The following PTTG1IP2 variants were observed in gnomAD, a reference collection of about 807,000 sequenced individuals.
The protein encoded by PTTG1IP2 is PTTG1IP family member 2.
At chr7:90,470,604 A>G (rs926527028) in intron 1 of PTTG1IP2, among the ~76,000 whole-genome samples, 3 of 152,218 alleles carry the variant, frequency 2.0e-5, no homozygotes, top group African/African-American at 7.2e-5. Context: ...GAATGTTAGT[A>G]TCTGTAAGCA....
At chr7:90,511,076 ATT>A (rs58855206) in intron 6 of PTTG1IP2, among the ~76,000 whole-genome samples, 1 of 147,476 alleles carries the variant, frequency 6.8e-6, no homozygotes. Context: ...CAAGGACAGT[ATT>A]TTTTTTTTTT....
chr7:90,510,940 A>G (rs1584703451), intron 6 of PTTG1IP2, among the ~76,000 whole-genome samples: 2 of 152,146 alleles, frequency 1.3e-5, no homozygotes, highest in African/African-American at 4.8e-5. Context: ...ATTGGAGTTA[A>G]CTCTGGAATA....
intron 4 of PTTG1IP2, among the ~76,000 whole-genome samples, chr7:90,490,818 T>C (rs773668333): frequency 3.3e-5 from 5 of 152,192 alleles, no homozygotes; most frequent in African/African-American, 4.8e-5. Flanking sequence ...ATATCCATCA[T>C]TGAAGCTTCT....
intron 4 of PTTG1IP2, among the ~76,000 whole-genome samples, chr7:90,491,419 T>G (rs920568942): frequency 6.6e-6 from 1 of 152,086 alleles, no homozygotes; most frequent in Non-Finnish European, 1.5e-5. Context: ...GGTCAGGAGT[T>G]CGAGACCAGC....
chr7:90,501,474 C>T (rs1798060729), intron 6 of PTTG1IP2, among the ~76,000 whole-genome samples: 1 of 152,066 alleles, frequency 6.6e-6, no homozygotes, highest in Non-Finnish European at 1.5e-5. Flanking sequence ...TTGAGACCAG[C>T]CTGTGCAACA....
At chr7:90,481,913 T>A (rs1221093945) in intron 2 of PTTG1IP2, among the ~76,000 whole-genome samples, 1 of 152,172 alleles carries the variant, frequency 6.6e-6, no homozygotes, top group Non-Finnish European at 1.5e-5. Flanking sequence ...TAATTCAGTA[T>A]ACTCTATAAT....
chr7:90,490,729 TGTAA>T (rs1285806945), intron 4 of PTTG1IP2, among the ~76,000 whole-genome samples: 1 of 152,202 alleles, frequency 6.6e-6, no homozygotes, highest in Non-Finnish European at 1.5e-5. Flanking sequence ...CCTAGCTCCT[TGTAA>T]GTGTCATCAC....
chr7:90,477,457 A>G (rs1797760957), intron 1 of PTTG1IP2, among the ~76,000 whole-genome samples: 1 of 152,242 alleles, frequency 6.6e-6, no homozygotes, highest in Admixed American at 6.5e-5. Flanking sequence ...GTGTTGAGGA[A>G]GGAACTTCCT....
At chr7:90,471,571 C>A (rs570996077) in intron 1 of PTTG1IP2, among the ~76,000 whole-genome samples, 1 of 152,094 alleles carries the variant, frequency 6.6e-6, no homozygotes, top group South Asian at 2.1e-4. Flanking sequence ...GGGCATAGTG[C>A]AAAAAATAAG....
At chr7:90,493,897 CAT>C (rs1797965645) in intron 5 of PTTG1IP2, among the ~76,000 whole-genome samples, 1 of 152,130 alleles carries the variant, frequency 6.6e-6, no homozygotes, top group Non-Finnish European at 1.5e-5. Flanking sequence ...TTATGCAAGA[CAT>C]AGAATAAACA....
intron 6 of PTTG1IP2, among the ~76,000 whole-genome samples, chr7:90,494,971 C>T (rs903761448): frequency 6.6e-6 from 1 of 152,110 alleles, no homozygotes. Context: ...GATTGCGCTA[C>T]TGCATTTCAG....
intron 3 of PTTG1IP2, among the ~76,000 whole-genome samples, chr7:90,488,080 C>T (rs1037116528): frequency 5.9e-5 from 9 of 151,992 alleles, no homozygotes; most frequent in Non-Finnish European, 8.8e-5. Flanking sequence ...GGCAGGAAAA[C>T]GTACCAGTAC....
At chr7:90,497,821 T>C (rs1798014119) in intron 6 of PTTG1IP2, among the ~76,000 whole-genome samples, 1 of 151,070 alleles carries the variant, frequency 6.6e-6, no homozygotes, top group Non-Finnish European at 1.5e-5. Context: ...GTCTGTTATG[T>C]CCATTTGTCC....
intron 5 of PTTG1IP2, among the ~76,000 whole-genome samples, chr7:90,493,683 T>C (rs1324543651): frequency 6.6e-6 from 1 of 152,176 alleles, no homozygotes; most frequent in Non-Finnish European, 1.5e-5. Context: ...CCAATGGGAA[T>C]GCCTACATTA....
At chr7:90,505,247 T>G (rs1798110391) in intron 6 of PTTG1IP2, among the ~76,000 whole-genome samples, 1 of 152,204 alleles carries the variant, frequency 6.6e-6, no homozygotes, top group South Asian at 2.1e-4. Context: ...GGCAATAATA[T>G]TTTCTACATC....
At chr7:90,504,267 G>T (rs1182683109) in intron 6 of PTTG1IP2, among the ~76,000 whole-genome samples, 1 of 151,662 alleles carries the variant, frequency 6.6e-6, no homozygotes, top group Non-Finnish European at 1.5e-5. Flanking sequence ...AGTGAGCCAA[G>T]ATCACGCCAC....
chr7:90,495,356 C>T (rs556162874), intron 6 of PTTG1IP2, among the ~76,000 whole-genome samples: 13 of 152,320 alleles, frequency 8.5e-5, no homozygotes, highest in Non-Finnish European at 1.6e-4. Context: ...CTACCCAACA[C>T]CTCTTCCAGT....
At chr7:90,491,956 C>T (rs1797943444) in intron 4 of PTTG1IP2, among the ~76,000 whole-genome samples, 1 of 151,878 alleles carries the variant, frequency 6.6e-6, no homozygotes, top group Non-Finnish European at 1.5e-5. Context: ...CATGGTGAAA[C>T]CCTGTCTCTA....
At chr7:90,493,797 A>T (rs888712316) in intron 5 of PTTG1IP2, among the ~76,000 whole-genome samples, 1 of 152,214 alleles carries the variant, frequency 6.6e-6, no homozygotes, top group Non-Finnish European at 1.5e-5. Context: ...GGGTCTGAAG[A>T]CGGAGGGAGA....
Sources: allele counts gnomAD v4.1 joint callset (sites outside exome capture counted in the v4.1 genomes callset), GRCh38; gene constraint gnomAD v4.1.1; transcripts MANE v1.5; gene names NCBI Gene and HGNC (gene_info 2026-07-23, HGNC 2026-07-21).